The following ELF1 variants were observed in gnomAD, a reference collection of about 807,000 sequenced individuals.
The protein encoded by ELF1 is ETS-related transcription factor Elf-1.
Under a neutral mutation model 59.9 loss-of-function variants are expected in ELF1, and 24 were observed. That is an observed-to-expected ratio of 0.40 (90% CI 0.29 to 0.56). The LOEUF is 0.56. Among genes scored for constraint, ELF1 ranks in the 20% least tolerant of loss-of-function variants. ELF1 has a pLI of 0.44. For synonymous variants in ELF1, 248 were observed against 266.2 expected, an observed-to-expected ratio of 0.93 and a Z score of 0.67; for missense variants, 627 against 742.2, an observed-to-expected ratio of 0.84 and a Z score of 1.80.
chr13:41,018,431 T>A (rs902357808), intron 1 of ELF1, among the ~76,000 whole-genome samples: 1 of 152,212 alleles, frequency 6.6e-6, no homozygotes, highest in Non-Finnish European at 1.5e-5. Context: ...TTTTTCTTTT[T>A]ACACAAAATT....
intron 1 of ELF1, among the ~76,000 whole-genome samples, chr13:40,993,661 C>G (rs979973051): frequency 1.3e-5 from 2 of 151,856 alleles, no homozygotes; most frequent in African/African-American, 4.8e-5. Flanking sequence ...TTTATAATTT[C>G]TTTTGTAGAG....
At chr13:40,989,168 T>G (rs1189186992) in intron 1 of ELF1, among the ~76,000 whole-genome samples, 1 of 152,086 alleles carries the variant, frequency 6.6e-6, no homozygotes, top group Non-Finnish European at 1.5e-5. Context: ...GAAAAAACAA[T>G]AAAGAAACAT....
intron 1 of ELF1, among the ~76,000 whole-genome samples, chr13:40,989,118 A>G (rs770426135): frequency 6.6e-6 from 1 of 152,242 alleles, no homozygotes; most frequent in Non-Finnish European, 1.5e-5. Flanking sequence ...TTTTAAATAC[A>G]GTATTATTGC....
At chr13:41,053,165 C>A (rs1243328699) in intron 1 of ELF1, among the ~76,000 whole-genome samples, 1 of 151,972 alleles carries the variant, frequency 6.6e-6, no homozygotes, top group African/African-American at 2.4e-5. Context: ...ACCAGCCTGG[C>A]CAATACAGTG....
chr13:41,012,310 C>A (rs61962745), intron 1 of ELF1, among the ~76,000 whole-genome samples: 1 of 43,598 alleles, frequency 2.3e-5, no homozygotes, highest in Non-Finnish European at 3.9e-5. Flanking sequence ...AAGACTCTGT[C>A]TCAAAAAAAA....
intron 1 of ELF1, among the ~76,000 whole-genome samples, chr13:41,009,212 C>G (rs1041499426): frequency 6.6e-6 from 1 of 151,306 alleles, no homozygotes; most frequent in African/African-American, 2.4e-5. Flanking sequence ...GTAAATGTAA[C>G]CCACATGAAC....
chr13:40,955,757 C>T (rs538123917), intron 3 of ELF1, among the ~76,000 whole-genome samples: 21 of 108,672 alleles, frequency 1.9e-4, no homozygotes, highest in African/African-American at 3.9e-4. Context: ...CCAGCCGCCC[C>T]GTCCGGGAGG....
chr13:40,994,892 TC>T (rs1436930726), intron 1 of ELF1, among the ~76,000 whole-genome samples: 2 of 152,158 alleles, frequency 1.3e-5, no homozygotes. Flanking sequence ...GTGCAATGGT[TC>T]CCCCATCTGA....
chr13:40,956,596 A>T (rs1039438018), intron 3 of ELF1, among the ~76,000 whole-genome samples: 4 of 143,642 alleles, frequency 2.8e-5, no homozygotes, highest in African/African-American at 1.1e-4. Context: ...AAAAAAAAAG[A>T]AAGTTGGAAA....
chr13:40,967,652 C>T (rs1872265340), intron 2 of ELF1, among the ~76,000 whole-genome samples: 1 of 152,048 alleles, frequency 6.6e-6, no homozygotes, highest in Admixed American at 6.6e-5. Flanking sequence ...AGTGCAGTGG[C>T]GTGATCACAG....
chr13:40,969,668 A>ATT (rs1872404975), intron 2 of ELF1, among the ~76,000 whole-genome samples: 1 of 152,188 alleles, frequency 6.6e-6, no homozygotes, highest in Non-Finnish European at 1.5e-5. Context: ...GTAAAACTGA[A>ATT]TTAGGAAACT....
chr13:41,054,035 C>T (rs900441460), intron 1 of ELF1, among the ~76,000 whole-genome samples: 2 of 151,922 alleles, frequency 1.3e-5, no homozygotes, highest in Admixed American at 6.6e-5. Context: ...AAGGATAATA[C>T]CATATGTCTT....
chr13:41,020,490 G>A (rs1295995653), upstream of ELF1, among the ~76,000 whole-genome samples: 2 of 152,164 alleles, frequency 1.3e-5, no homozygotes, highest in Non-Finnish European at 1.5e-5. Context: ...AGCTGTCACT[G>A]ACTTAGGAAC....
intron 1 of ELF1, among the ~76,000 whole-genome samples, chr13:40,990,076 T>G (rs1873763870): frequency 6.6e-6 from 1 of 152,176 alleles, no homozygotes; most frequent in Non-Finnish European, 1.5e-5. Context: ...ACACATTCGA[T>G]ACATAATTTT....
At position 40,941,072 on chromosome 13, in the gene ELF1, T is replaced by C. The variant is rs2138126576; in HGVS notation, c.1105A>G (p.Arg369Gly). ...GGAGACTGCGTGGGCTGCACTGTCC[T>C]CAAAACTTCTGATGGTTGTGCAACT... ...VEVAQPSEVL[R>G]TVQPTQSPYP... Residue 369 changes from arginine (R) to glycine (G), a missense_variant, in exon 8 of 9, where the codon AGG becomes GGG. By Grantham distance (125) the Arg-to-Gly change is moderately radical. This residue lies in a region of ELF1 where 361 missense variants were observed against 396.1 expected (regional missense o/e 0.91). Transcript: ENST00000239882. 6.2e-7 allele frequency: 1 copy of C among 1,614,218 alleles called. No homozygotes were observed.
intron 5 of ELF1, among the ~76,000 whole-genome samples, chr13:40,945,678 C>G (rs1276726601): frequency 6.6e-6 from 1 of 152,162 alleles, no homozygotes; most frequent in African/African-American, 2.4e-5. Flanking sequence ...TTTTTATATT[C>G]TGTTTCTGGA....
chr13:41,043,948 T>C (rs1413663782), intron 1 of ELF1, among the ~76,000 whole-genome samples: 2 of 152,226 alleles, frequency 1.3e-5, no homozygotes, highest in Non-Finnish European at 1.5e-5. Flanking sequence ...TGTTCTTCCA[T>C]TTGTTTGTGT....
intron 2 of ELF1, among the ~76,000 whole-genome samples, chr13:40,971,550 CA>C (rs976355637): frequency 1.3e-5 from 2 of 152,208 alleles, no homozygotes; most frequent in African/African-American, 4.8e-5. Context: ...TGCGTCTGGC[CA>C]GTATTTGAGT....
chr13:41,058,172 T>C (rs1049976769), intron 1 of ELF1, among the ~76,000 whole-genome samples: 2 of 152,150 alleles, frequency 1.3e-5, no homozygotes, highest in Admixed American at 6.5e-5. Flanking sequence ...TTTTGTGACA[T>C]AAAATGTCAC....
Sources: allele counts gnomAD v4.1 joint callset (sites outside exome capture counted in the v4.1 genomes callset), GRCh38; gene constraint gnomAD v4.1.1; regional missense constraint gnomAD v4.1.1; transcripts MANE v1.5; gene names NCBI Gene and HGNC (gene_info 2026-07-23, HGNC 2026-07-21).